The following TAF2 variants were observed in gnomAD, a reference collection of about 807,000 sequenced individuals.
TAF2 encodes the protein TATA-box binding protein associated factor 2.
TAF2 carries 61 observed loss-of-function variants against 138.5 expected under a neutral mutation model. That is an observed-to-expected ratio of 0.44 (90% CI 0.36 to 0.54). The LOEUF (loss-of-function observed/expected upper bound fraction) is 0.54. Among genes scored for constraint, TAF2 ranks in the 20% least tolerant of loss-of-function variants. The pLI is 0.00. For missense variants in TAF2, 1,090 were observed against 1,427.9 expected (o/e 0.76, Z 3.81); for synonymous variants, 475 against 469.9 (o/e 1.01, Z -0.14).
intron 6 of TAF2, 127 bp from the exon 7 acceptor site, chr8:119,797,973 G>A (rs960483020): frequency 5.5e-6 from 5 of 910,640 alleles, no homozygotes; most frequent in African/African-American, 1.7e-5. Flanking sequence ...TCAAGATGCT[G>A]AAAGAAAATG....
intron 2 of TAF2, among the ~76,000 whole-genome samples, chr8:119,821,213 C>A (rs537659025): frequency 1.6e-4 from 25 of 152,310 alleles, no homozygotes; most frequent in African/African-American, 5.1e-4. Context: ...ACATTCGGAC[C>A]CATTAACCTC....
At chr8:119,818,709 C>T (rs956361072) in intron 3 of TAF2, among the ~76,000 whole-genome samples, 4 of 149,150 alleles carry the variant, frequency 2.7e-5, no homozygotes, top group African/African-American at 9.9e-5. Flanking sequence ...TATTTAACCA[C>T]AAAGATGACA....
rs1218748583 is a variant in TAF2, at chr8:119,731,828, C to G, written c.*96G>C. The G allele has an allele frequency of 3.2e-6, 4 of 1,250,430 alleles. No homozygotes were observed. Among genetic ancestry groups the G allele is most frequent in the Non-Finnish European group, 3.5e-6 (3 of 853,130 alleles). The allele number at this position is 1,250,430 out of a possible 1,614,324, so 77.5% of individuals were successfully genotyped here. On this transcript the variant is annotated 3_prime_UTR_variant, in exon 26 of 26. Transcript: ENST00000378164. The stretch of plus-strand genomic sequence containing the variant: ...AGAATTTCTGTAGGAGAGGCGAATC[C>G]TTTCCCCCCTCCCTTTTATAATTCT...
chr8:119,800,740 A>C (rs1824198402), intron 6 of TAF2, among the ~76,000 whole-genome samples: 1 of 152,228 alleles, frequency 6.6e-6, no homozygotes, highest in Non-Finnish European at 1.5e-5. Context: ...GAATTTCAGC[A>C]AGGCAAATAT....
intron 6 of TAF2, among the ~76,000 whole-genome samples, chr8:119,800,755 G>C (rs1824199360): frequency 6.6e-6 from 1 of 152,142 alleles, no homozygotes; most frequent in African/African-American, 2.4e-5. Context: ...AAATATAAAA[G>C]GCAAACTGAG....
intron 24 of TAF2, 57 bp from the exon 25 acceptor site, chr8:119,742,713 A>C: frequency 6.3e-7 from 1 of 1,596,340 alleles, no homozygotes; most frequent in African/African-American, 1.3e-5. Flanking sequence ...CCCAAAAGAA[A>C]AAAAAAGGCT....
At chr8:119,733,006 A>G (rs1281502143) in intron 25 of TAF2, among the ~76,000 whole-genome samples, 2 of 152,122 alleles carry the variant, frequency 1.3e-5, no homozygotes, top group East Asian at 3.9e-4. Context: ...GAAAATACAG[A>G]TTTGAAGGAT....
At chr8:119,790,736 C>G (rs1270790784) in intron 11 of TAF2, among the ~76,000 whole-genome samples, 1 of 152,042 alleles carries the variant, frequency 6.6e-6, no homozygotes, top group Non-Finnish European at 1.5e-5. Flanking sequence ...GCATTTCATC[C>G]TTAATACAAT....
chr8:119,742,739 G>A (rs998094325), intron 24 of TAF2, 83 bp from the exon 25 acceptor site: 2 of 1,543,070 alleles, frequency 1.3e-6, no homozygotes. Context: ...GTTTTTATAA[G>A]CTAGCCTTAA....
chr8:119,814,279 A>T (rs1825293748), intron 3 of TAF2, among the ~76,000 whole-genome samples: 1 of 152,176 alleles, frequency 6.6e-6, no homozygotes, highest in Admixed American at 6.5e-5. Flanking sequence ...TAATTCTAAT[A>T]CTAATAAACC....
chr8:119,785,400 G>A (rs2131148801), intron 14 of TAF2, 134 bp from the exon 15 acceptor site: 2 of 643,096 alleles, frequency 3.1e-6, no homozygotes, highest in East Asian at 5.6e-5. Flanking sequence ...GCTATCAAAT[G>A]TAATAAAATT....
chr8:119,794,039 C>T (rs1479168055), intron 9 of TAF2, among the ~76,000 whole-genome samples: 1 of 151,934 alleles, frequency 6.6e-6, no homozygotes, highest in African/African-American at 2.4e-5. Context: ...GTGATCCTCC[C>T]ACCTCAGCCC....
chr8:119,737,501 TTTTC>T (rs1160204043), intron 25 of TAF2, among the ~76,000 whole-genome samples: 4 of 138,354 alleles, frequency 2.9e-5, no homozygotes, highest in Admixed American at 8.7e-5. Flanking sequence ...GCTTTCATCT[TTTTC>T]TTTTTCTTTT....
chr8:119,810,548 T>G (rs1036321275), intron 3 of TAF2, among the ~76,000 whole-genome samples: 19 of 152,218 alleles, frequency 1.2e-4, no homozygotes, highest in Admixed American at 1.2e-3. Context: ...CACATTTAAC[T>G]TTCTAAAAAT....
chr8:119,814,101 T>C (rs1825283387), intron 3 of TAF2, among the ~76,000 whole-genome samples: 1 of 152,108 alleles, frequency 6.6e-6, no homozygotes, highest in South Asian at 2.1e-4. Context: ...CCAGCCTGGG[T>C]GACAGAGCAA....
chr8:119,822,248 G>T (rs116298103), intron 2 of TAF2, among the ~76,000 whole-genome samples: 82 of 150,780 alleles, frequency 5.4e-4, no homozygotes, highest in African/African-American at 1.9e-3. Flanking sequence ...CAGAGACAGG[G>T]TATTGCTCTG....
chr8:119,796,745 T>C (rs1232413972), intron 8 of TAF2, among the ~76,000 whole-genome samples: 3 of 152,104 alleles, frequency 2.0e-5, no homozygotes, highest in Non-Finnish European at 1.5e-5. Context: ...TTTCTTTAAA[T>C]ACATATAGAA....
rs776974444 is a variant in TAF2, at chr8:119,783,460, C to T, written c.2033G>A (p.Arg678Gln). ...ALEKFPTPASRLALTDILEQE... is the reference protein window; with the variant it reads ...ALEKFPTPASQLALTDILEQE... The stretch of plus-strand genomic sequence containing the variant: ...TTCTAATATATCAGTGAGTGCAAGC[C>T]GAGATGCTGGAGTAGGGAATTTTTC... Residue 678 changes from arginine to glutamine, a missense_variant, in exon 16 of 26, where the codon CGG (arginine) becomes CAG (glutamine). Coordinates refer to ENST00000378164, the MANE Select transcript of TAF2 (RefSeq NM_003184.4). 6.2e-7 allele frequency: 1 copy of T among 1,613,958 alleles called. No homozygotes were observed.
Position 119,785,182 on chromosome 8 carries a change from TTTAAG to T in TAF2, c.1859+14_1859+18del. 3 of 1,588,952 alleles carry T rather than the reference TTTAAG, an allele frequency of 1.9e-6. No individual in the cohort carries two copies. Among genetic ancestry groups the T allele is most frequent in the Non-Finnish European group, 2.6e-6 (3 of 1,157,420 alleles). On this transcript the variant is annotated intron_variant, in intron 15 of 25. Transcript: ENST00000378164. ...ATGCAGAAAGTATTATAACCTTATA[TTTAAG>T]TTAACTAACTTACTCCATTGCAGAA... is the stretch of plus-strand genomic sequence containing the variant.
Sources: allele counts gnomAD v4.1 joint callset (sites outside exome capture counted in the v4.1 genomes callset), GRCh38; gene constraint gnomAD v4.1.1; transcripts MANE v1.5; gene names NCBI Gene and HGNC (gene_info 2026-07-23, HGNC 2026-07-21).